The following DHX32 variants were observed in gnomAD, a reference collection of about 807,000 sequenced individuals.
The protein encoded by DHX32 is putative pre-mRNA-splicing factor ATP-dependent RNA helicase DHX32.
In DHX32, 51 loss-of-function variants were observed where a neutral mutation model predicts 70.0. That is an observed-to-expected ratio of 0.73 (90% confidence interval 0.58 to 0.92). The LOEUF is 0.92. DHX32 is among the 40% of genes least tolerant of loss of function. DHX32 has a pLI of 0.00. For missense variants in DHX32, 762 were observed against 891.8 expected (o/e 0.85, Z 1.85); for synonymous variants, 310 against 315.3 (o/e 0.98, Z 0.18).
chr10:125,887,169 A>C (rs942016480), intron 1 of DHX32, among the ~76,000 whole-genome samples: 17 of 152,194 alleles, frequency 1.1e-4, no homozygotes, highest in Middle Eastern at 3.4e-3. Context: ...CTGTGTCTTC[A>C]AGTTTTCTCA....
intron 1 of DHX32, among the ~76,000 whole-genome samples, chr10:125,892,447 C>T (rs1451399336): frequency 6.6e-6 from 1 of 152,280 alleles, no homozygotes; most frequent in Non-Finnish European, 1.5e-5. Context: ...ACTCATGGTC[C>T]TTAGGTTCCT....
rs775072040 is a variant in DHX32, at chr10:125,867,164, T to G, written c.302A>C (p.Glu101Ala). The part of the protein sequence containing the change: ...KSAQVPQWCA[E>A]YCLSIHYQHG... ...CTGGTAGTGGATGGAAAGACAATATTCAGCACACCACTGAGGAACCTGTAG... is the reference window on the plus strand; with the variant it reads ...CTGGTAGTGGATGGAAAGACAATATGCAGCACACCACTGAGGAACCTGTAG... The change falls in exon 2 of 11, where the codon GAA becomes GCA. Residue 101 changes from glutamate to alanine, a missense_variant. Physicochemically the swap from Glu to Ala is moderately radical, Grantham distance 107. This residue lies in a region of DHX32 where 394 missense variants were observed against 473.1 expected (regional missense o/e 0.83). Transcript: ENST00000284690. The G allele has an allele frequency of 6.2e-7, 1 of 1,613,020 alleles. No homozygotes were observed. Among genetic ancestry groups the G allele is most frequent in the Non-Finnish European group, 8.5e-7 (1 of 1,179,504 alleles).
chr10:125,852,354 C>G lies in DHX32; in HGVS notation c.1290G>C (p.Val430=), dbSNP rs199580606. 7.4e-6 allele frequency: 12 copies of G among 1,614,196 alleles called. No homozygotes were observed. In the African/African-American group the frequency reaches 1.5e-4, roughly 20 times the overall value. ...EMQEANLTSM[V]LFMKRIDIAG... is the part of the protein sequence containing the mutation. ...CAATGTCTATCCTCTTCATAAAAAG[C>G]ACCATGCTTGTTAGGTTGGCTTCCT... The change falls in exon 6 of 11, where the codon GTG becomes GTC. Residue 430 remains valine (V), a synonymous_variant. Coordinates refer to ENST00000284690, the MANE Select transcript of DHX32 (RefSeq NM_018180.3).
chr10:125,859,480 T>A lies in DHX32; in HGVS notation c.849+123A>T, dbSNP rs576150417. 2.9e-4 allele frequency: 298 copies of A among 1,043,162 alleles called. 6 individuals carry two copies. The South Asian group carries it at 5.1e-3, about 18-fold the overall frequency. 64.6% of individuals were successfully genotyped at this position (1,043,162 alleles called of 1,614,324 possible). ...TCCTTTCAGCACAGGTTTTATTTAATGAGGTGTGATGAAACCAAATATTTA... is the reference window on the plus strand; with the variant it reads ...TCCTTTCAGCACAGGTTTTATTTAAAGAGGTGTGATGAAACCAAATATTTA... On this transcript the variant is annotated intron_variant, in intron 3 of 10. Transcript: ENST00000284690.
intron 4 of DHX32, 82 bp from the exon 5 acceptor site, chr10:125,852,724 G>A (rs574680190): frequency 8.7e-5 from 110 of 1,257,632 alleles, no homozygotes; most frequent in South Asian, 3.9e-4. Context: ...AATATGCTGC[G>A]CAGTACTTTA....
Position 125,839,058 on chromosome 10 carries a change from G to T in DHX32, c.1824C>A (p.Gly608=). The change falls in exon 9 of 11, where the codon GGC becomes GGA. Residue 608 remains glycine (G), a synonymous_variant. Coordinates refer to ENST00000284690, the MANE Select transcript of DHX32 (RefSeq NM_018180.3). ...IELPYAEPAF[G]SKENTLNIKK... ...TTATGTTTAGAGTGTTTTCCTTGGA[G>T]CCAAAAGCAGGTTCTGCATAGGGAA... The T allele has an allele frequency of 6.2e-7, 1 of 1,614,164 alleles. No homozygotes were observed. The highest frequency in any genetic ancestry group is 8.5e-7 in the Non-Finnish European group (1 of 1,180,026).
chr10:125,859,639 C>T lies in DHX32; in HGVS notation c.813G>A (p.Glu271=). ...RLIFEIHHSG[E]KGDIVVFLAC... is the part of the protein sequence containing the mutation. The stretch of plus-strand genomic sequence containing the variant: ...CCAGAAAGACTACAATGTCACCTTT[C>T]TCACCCGAGTGGTGAATTTCAAAGA... Residue 271 remains glutamate, a synonymous_variant, in exon 3 of 11, where the codon GAG becomes GAA. Coordinates refer to ENST00000284690, the MANE Select transcript of DHX32 (RefSeq NM_018180.3). 1 of 1,605,110 alleles carries T rather than the reference C, an allele frequency of 6.2e-7. No homozygotes were observed. Among genetic ancestry groups the T allele is most frequent in the Non-Finnish European group, 8.5e-7 (1 of 1,176,338 alleles).
intron 6 of DHX32, among the ~76,000 whole-genome samples, chr10:125,849,965 G>A (rs1944069116): frequency 6.6e-6 from 1 of 151,916 alleles, no homozygotes; most frequent in Non-Finnish European, 1.5e-5. Context: ...CACCACTGTA[G>A]AATCTTTTGT....
rs117857561 is a variant in DHX32 at position 125,848,069 on chromosome 10, T to C, written c.1351+4224A>G. Among the ~76,000 whole-genome samples the C allele has an allele frequency of 3.3e-5, 5 of 152,300 alleles. No homozygotes were observed. The East Asian group carries it at 5.8e-4, about 18-fold the overall frequency. ...AAATGGACAGAGAAAAATGCAGTTATCACTTAGGAGGGCTGAAGGAGCAAA... is the reference window on the plus strand; with the variant it reads ...AAATGGACAGAGAAAAATGCAGTTACCACTTAGGAGGGCTGAAGGAGCAAA... On this transcript the variant is annotated intron_variant, in intron 6 of 10. Coordinates refer to ENST00000284690, the MANE Select transcript of DHX32 (RefSeq NM_018180.3).
chr10:125,854,151 T>G lies in DHX32; in HGVS notation c.902A>C (p.Asp301Ala), dbSNP rs35772239. ...AGGAACAACCACCAGTTCTCCAAGA[T>G]CTGGGTTTAGGTTAGATCCTTGATA... ...TVYQGSNLNP[D>A]LGELVVVPLY... Residue 301 changes from aspartate (D) to alanine (A), a missense_variant, in exon 4 of 11, where the codon GAT becomes GCT. Asp to Ala is a moderately radical substitution (Grantham distance 126). Around this residue, in one of 3 missense-constraint regions of DHX32, gnomAD observed 394 missense variants for 473.1 expected, o/e 0.83. Transcript: ENST00000284690. 3.6e-3 allele frequency: 5,820 copies of G among 1,613,784 alleles called. 191 individuals are homozygous for G. The African/African-American group carries it at 0.066, about 18-fold the overall frequency.
At chr10:125,854,286 T>G (rs2134047484) in intron 3 of DHX32, 83 bp from the exon 4 acceptor site, 2 of 1,384,620 alleles carry the variant, frequency 1.4e-6, no homozygotes, top group South Asian at 1.5e-5. Context: ...CAAAAAATTT[T>G]AGGCAATACT....
intron 6 of DHX32, among the ~76,000 whole-genome samples, chr10:125,850,688 C>G (rs1002128305): frequency 6.6e-6 from 1 of 152,200 alleles, no homozygotes; most frequent in African/African-American, 2.4e-5. Context: ...CCCCTGTTTT[C>G]ATGAGGCGTT....
chr10:125,842,838 T>C (rs1456547426), intron 6 of DHX32: 2 of 912,928 alleles, frequency 2.2e-6, no homozygotes, highest in African/African-American at 3.6e-5. Context: ...CTTTTAAGTT[T>C]ATGTAACATC....
intron 1 of DHX32, among the ~76,000 whole-genome samples, chr10:125,877,279 A>G (rs1320323662): frequency 6.6e-6 from 1 of 152,236 alleles, no homozygotes; most frequent in East Asian, 1.9e-4. Context: ...GTTTGTTATA[A>G]CAATAACAGC....
upstream of DHX32, among the ~76,000 whole-genome samples, chr10:125,885,343 C>T (rs1010545293): frequency 1.3e-5 from 2 of 152,146 alleles, no homozygotes; most frequent in African/African-American, 4.8e-5. Context: ...AGGGACTCTA[C>T]AGATGTGATT....
At chr10:125,851,077 A>G (rs542044623) in intron 6 of DHX32, among the ~76,000 whole-genome samples, 5 of 152,348 alleles carry the variant, frequency 3.3e-5, no homozygotes, top group East Asian at 3.9e-4. Context: ...GGGGAATTCA[A>G]TTAACAGCCT....
At chr10:125,841,345 C>T (rs140376224) in intron 7 of DHX32, 2 of 1,613,958 alleles carry the variant, frequency 1.2e-6, no homozygotes, top group Non-Finnish European at 1.7e-6. Flanking sequence ...GTCTGTTCCC[C>T]CAGTATTAGA....
chr10:125,889,842 C>G (rs1473467059), intron 1 of DHX32, among the ~76,000 whole-genome samples: 2 of 152,306 alleles, frequency 1.3e-5, no homozygotes, highest in African/African-American at 4.8e-5. Context: ...CATTTAAACT[C>G]TTAAGGACCC....
At chr10:125,871,512 G>A (rs1944255561) in intron 1 of DHX32, among the ~76,000 whole-genome samples, 1 of 152,178 alleles carries the variant, frequency 6.6e-6, no homozygotes, top group African/African-American at 2.4e-5. Flanking sequence ...CAGCTACTTG[G>A]AGATAGTTAA....
Sources: allele counts gnomAD v4.1 joint callset (sites outside exome capture counted in the v4.1 genomes callset), GRCh38; gene constraint gnomAD v4.1.1; regional missense constraint gnomAD v4.1.1; transcripts MANE v1.5; gene names NCBI Gene and HGNC (gene_info 2026-07-23, HGNC 2026-07-21).